Variants in TRABD2A observed in about 807,000 individuals in gnomAD.
TRABD2A encodes metalloprotease TIKI1.
Under a neutral mutation model 45.6 loss-of-function variants are expected in TRABD2A, and 43 were observed. That is an observed-to-expected ratio of 0.94 (90% CI 0.74 to 1.22). The LOEUF (loss-of-function observed/expected upper bound fraction) is 1.22, where lower values mean the gene tolerates loss of function less well. Ranked by LOEUF, TRABD2A falls within the 50% of genes most tolerant of loss-of-function variation. TRABD2A has a pLI of 0.00. For missense variants in TRABD2A, 642 were observed against 652.4 expected, an observed-to-expected ratio of 0.98 and a Z score of 0.17; for synonymous variants, 269 against 265.0, an observed-to-expected ratio of 1.02 and a Z score of -0.15.
intron 2 of TRABD2A, among the ~76,000 whole-genome samples, chr2:84,843,038 G>A (rs1026826933): frequency 1.5e-4 from 23 of 151,622 alleles, no homozygotes; most frequent in Admixed American, 1.5e-3. Context: ...CTGGGTCAGA[G>A]GTGGGGAGGT....
chr2:84,854,342 CA>C (rs1216662862), intron 2 of TRABD2A, among the ~76,000 whole-genome samples: 2 of 152,110 alleles, frequency 1.3e-5, no homozygotes, highest in Non-Finnish European at 2.9e-5. Flanking sequence ...CGAGTAAGCC[CA>C]ACCACTTACA....
chr2:84,877,828 T>C (rs1026994125), intron 1 of TRABD2A, among the ~76,000 whole-genome samples: 1 of 152,208 alleles, frequency 6.6e-6, no homozygotes, highest in Admixed American at 6.5e-5. Context: ...TAACTGCACT[T>C]TTCCAAGATT....
intron 2 of TRABD2A, among the ~76,000 whole-genome samples, chr2:84,842,893 T>C (rs1330614728): frequency 6.6e-6 from 1 of 151,976 alleles, no homozygotes; most frequent in Non-Finnish European, 1.5e-5. Context: ...GAAAGCTTTG[T>C]TGAAACATAT....
At chr2:84,828,065 A>G (rs1319174887) in intron 5 of TRABD2A, among the ~76,000 whole-genome samples, 2 of 152,208 alleles carry the variant, frequency 1.3e-5, no homozygotes, top group African/African-American at 4.8e-5. Context: ...AGTATCCATT[A>G]CCCCAGGGGG....
At position 84,870,324 on chromosome 2, in the gene TRABD2A, C is replaced by T; in HGVS notation, c.570G>A (p.Leu190=). ...GCCGCTCAGCCTCCTGGGCAAGGAA[C>T]AGGTCTAAGACAGGCACTCCACGGG... ...IKSRGVPVLD[L]FLAQEAERLR... is the part of the protein sequence containing the mutation. Residue 190 remains leucine, a synonymous_variant, in exon 2 of 7, where the codon CTG becomes CTA. Transcript: ENST00000409520. 1 of 1,614,068 alleles carries T rather than the reference C, an allele frequency of 6.2e-7. No homozygotes were observed. The highest frequency in any genetic ancestry group is 1.1e-5 in the South Asian group (1 of 91,090).
intron 1 of TRABD2A, among the ~76,000 whole-genome samples, chr2:84,871,185 T>A (rs1460194930): frequency 6.6e-6 from 1 of 152,142 alleles, no homozygotes; most frequent in Admixed American, 6.5e-5. Flanking sequence ...AGTCACCAGT[T>A]TTGAGATTGT....
At chr2:84,853,203 C>A (rs748022219) in intron 2 of TRABD2A, among the ~76,000 whole-genome samples, 2 of 151,822 alleles carry the variant, frequency 1.3e-5, no homozygotes. Context: ...AAACACCCAC[C>A]GAGAACACCA....
intron 2 of TRABD2A, among the ~76,000 whole-genome samples, chr2:84,842,388 G>T (rs1220626864): frequency 6.6e-6 from 1 of 152,198 alleles, no homozygotes; most frequent in Non-Finnish European, 1.5e-5. Flanking sequence ...ATTATGTAAA[G>T]GACTGGGCAG....
intron 2 of TRABD2A, among the ~76,000 whole-genome samples, chr2:84,844,163 G>A (rs141834196): frequency 3.9e-5 from 6 of 152,176 alleles, no homozygotes; most frequent in South Asian, 4.2e-4. Flanking sequence ...TTGGTCATGC[G>A]GTGATTTGGT....
In TRABD2A at chr2:84,824,113, C is replaced by A. The variant is rs560540640; in HGVS notation, c.1174G>T (p.Val392Leu). 2 of 1,613,918 alleles carry A rather than the reference C, an allele frequency of 1.2e-6. No homozygotes were observed. Among genetic ancestry groups the A allele is most frequent in the Middle Eastern group, 1.7e-4 (1 of 6,060 alleles). The change falls in exon 6 of 7, where the codon GTA (valine) becomes TTA (leucine). Residue 392 changes from valine (V) to leucine (L), a missense_variant. Transcript: ENST00000409520. ...PTLEVPAPEAVSSGHSTLPPL... is the reference protein window; with the variant it reads ...PTLEVPAPEALSSGHSTLPPL... ...GGCAGCGTTGAGTGCCCTGAGGATA[C>A]GGCTTCTGGTGCCGGTACTTCCAGG...
rs754098469 is a variant in TRABD2A at position 84,870,336 on chromosome 2, A to C, written c.558T>G (p.Pro186=). Reference sequence around the variant, plus strand: ...CCTGGGCAAGGAACAGGTCTAAGACAGGCACTCCACGGGACTTAATGTCCA... The same window carrying C: ...CCTGGGCAAGGAACAGGTCTAAGACCGGCACTCCACGGGACTTAATGTCCA... The part of the protein sequence containing the change: ...TEVDIKSRGV[P]VLDLFLAQEA... The change falls in exon 2 of 7, where the codon CCT becomes CCG. Residue 186 remains proline, a synonymous_variant. Coordinates refer to ENST00000409520, the MANE Select transcript of TRABD2A (RefSeq NM_001277053.2). 4 of 1,614,048 alleles carry C rather than the reference A, an allele frequency of 2.5e-6. No homozygotes were observed. The highest frequency in any genetic ancestry group is 1.1e-5 in the South Asian group (1 of 91,090).
intron 2 of TRABD2A, among the ~76,000 whole-genome samples, chr2:84,867,981 T>C (rs534251007): frequency 9.8e-5 from 15 of 152,332 alleles, no homozygotes; most frequent in African/African-American, 3.6e-4. Flanking sequence ...TTTTACACTG[T>C]TGGTGGGACT....
intron 4 of TRABD2A, chr2:84,836,643 C>G (rs180885640): frequency 1.9e-4 from 29 of 152,118 alleles, no homozygotes; most frequent in Admixed American, 1.8e-3. Context: ...CTTTTTTTCT[C>G]TCCTGTCTTC....
At chr2:84,866,573 G>A (rs925710527) in intron 2 of TRABD2A, among the ~76,000 whole-genome samples, 1 of 152,034 alleles carries the variant, frequency 6.6e-6, no homozygotes, top group Non-Finnish European at 1.5e-5. Flanking sequence ...ATCTTGAGAA[G>A]TTTGAGAGTT....
At chr2:84,877,470 T>C (rs1435647929) in intron 1 of TRABD2A, among the ~76,000 whole-genome samples, 2 of 152,190 alleles carry the variant, frequency 1.3e-5, no homozygotes, top group Non-Finnish European at 2.9e-5. Flanking sequence ...CCGGGCATGG[T>C]GGCTCATGCC....
rs192920683 is a variant in TRABD2A, at chr2:84,870,467, G to C, written c.427C>G (p.Arg143Gly). 1.9e-6 allele frequency: 3 copies of C among 1,614,000 alleles called. No individual in the cohort carries two copies. The Admixed American group carries it at 5.0e-5, about 27-fold the overall frequency. ...TAGTCTGCGTAGAGCCCCTTGCCGC[G>C]CTGGTCTGGGGTCATCCACAAGGGC... The part of the protein sequence containing the change: ...MMPLWMTPDQ[R>G]GKGLYADYLF... Residue 143 changes from arginine to glycine, a missense_variant, in exon 2 of 7, where the codon CGC (arginine) becomes GGC (glycine). Physicochemically the swap from Arg to Gly is moderately radical, Grantham distance 125. Transcript: ENST00000409520.
intron 4 of TRABD2A, chr2:84,832,414 C>G: frequency 2.2e-6 from 1 of 449,890 alleles, no homozygotes. Flanking sequence ...AAGGGGATAG[C>G]CTGGACATCA....
At chr2:84,879,171 G>A (rs1454247682) in intron 1 of TRABD2A, among the ~76,000 whole-genome samples, 2 of 149,184 alleles carry the variant, frequency 1.3e-5, no homozygotes, top group Non-Finnish European at 3.0e-5. Context: ...AAGTCTTTGA[G>A]GTTTTCAATA....
At chr2:84,826,331 CCAAGT>C (rs1372268629) in intron 5 of TRABD2A, among the ~76,000 whole-genome samples, 6 of 152,154 alleles carry the variant, frequency 3.9e-5, no homozygotes, top group African/African-American at 1.4e-4. Context: ...GGCTTAAGAG[CCAAGT>C]TAATAGCCCT....
Sources: gnomAD v4.1 joint callset for allele counts (sites outside exome capture counted in the v4.1 genomes callset) on GRCh38, gnomAD v4.1.1 for gene constraint, MANE v1.5 for transcripts, NCBI Gene and HGNC (gene_info 2026-07-23, HGNC 2026-07-21) for gene names.